The following SF3B3 variants were observed in gnomAD, a reference collection of about 807,000 sequenced individuals.
SF3B3 encodes splicing factor 3b subunit 3.
Under a neutral mutation model 139.2 loss-of-function variants are expected in SF3B3, and 33 were observed. The observed-to-expected ratio is 0.24, with a 90% CI of 0.18 to 0.32. The LOEUF (loss-of-function observed/expected upper bound fraction) is 0.32. Ranked by LOEUF, SF3B3 falls within the 10% of genes least tolerant of loss-of-function variation. SF3B3 has a pLI of 1.00. For missense variants in SF3B3, 818 were observed against 1,509.4 expected (o/e 0.54, Z 7.59); for synonymous variants, 596 against 563.6 (o/e 1.06, Z -0.81).
intron 2 of SF3B3, 50 bp downstream of exon 2, chr16:70,526,776 A>G (rs887520818): frequency 1.6e-6 from 2 of 1,250,274 alleles, no homozygotes; most frequent in South Asian, 1.2e-5. Flanking sequence ...ATTAATACAT[A>G]TCTTGCTTAG....
intron 8 of SF3B3, among the ~76,000 whole-genome samples, chr16:70,540,730 T>C (rs1443011367): frequency 6.6e-6 from 1 of 151,902 alleles, no homozygotes; most frequent in Non-Finnish European, 1.5e-5. Flanking sequence ...AAAATTCATG[T>C]TTAAAAAAAA....
intron 16 of SF3B3, chr16:70,561,423 T>C: frequency 1.8e-6 from 1 of 562,074 alleles, no homozygotes; most frequent in South Asian, 2.3e-5. Flanking sequence ...GTCTAGATCA[T>C]ATGGCTCGTA....
rs1567426868 is a variant in SF3B3, at chr16:70,570,099, A to G, written c.3358A>G (p.Thr1120Ala). 6.2e-7 allele frequency: 1 copy of G among 1,614,076 alleles called. No homozygotes were observed. The highest frequency in any genetic ancestry group is 1.7e-5 in the Admixed American group (1 of 60,000). The change falls in exon 24 of 26, where the codon ACC becomes GCC. Residue 1120 changes from threonine to alanine, a missense_variant. Around this residue, in one of 14 missense-constraint regions of SF3B3, gnomAD observed 91 missense variants for 171.8 expected, o/e 0.53. Transcript: ENST00000302516. ...TGGAGGCTCAGAATCACTTGTCTAT[A>G]CCACCTTGTCTGGAGGAATTGGCAT... The part of the protein sequence containing the change: ...IPGGSESLVY[T>A]TLSGGIGILV...
chr16:70,568,964 C>A (rs2050502938), intron 22 of SF3B3, 79 bp from the exon 23 acceptor site: 1 of 1,014,498 alleles, frequency 9.9e-7, no homozygotes. Context: ...CTTGCAAAGA[C>A]CTGGCCAGAC....
intron 1 of SF3B3, chr16:70,524,819 T>G (rs1275032940): frequency 2.0e-5 from 3 of 152,608 alleles, no homozygotes; most frequent in Non-Finnish European, 4.4e-5. Context: ...TAGCTGGAAC[T>G]ACAGGCGCCC....
At chr16:70,556,063 C>A in intron 13 of SF3B3, 116 bp from the exon 14 acceptor site, 1 of 996,252 alleles carries the variant, frequency 1.0e-6, no homozygotes, top group South Asian at 1.6e-5. Flanking sequence ...TGAGAGGAAG[C>A]AGAACAAAAT....
chr16:70,571,851 G>A lies in SF3B3; in HGVS notation c.*38G>A. 9 of 1,579,492 alleles carry A rather than the reference G, an allele frequency of 5.7e-6. No individual in the cohort carries two copies. Among genetic ancestry groups the A allele is most frequent in the Non-Finnish European group, 7.7e-6 (9 of 1,164,460 alleles). On this transcript the variant is annotated 3_prime_UTR_variant, in exon 26 of 26. Transcript: ENST00000302516. ...CGGTGGGGCTTGCCAGAGACTGTGT[G>A]TTTTGTTTCCCCCACCACCATCACT...
At chr16:70,553,831 T>C (rs918219645) in intron 11 of SF3B3, among the ~76,000 whole-genome samples, 16 of 152,332 alleles carry the variant, frequency 1.1e-4, no homozygotes, top group Admixed American at 6.5e-4. Context: ...TGTTTCTAAA[T>C]AGTGAAAAAC....
At chr16:70,556,827 A>G (rs2050383203) in intron 14 of SF3B3, 59 bp from the exon 15 acceptor site, 2 of 1,578,754 alleles carry the variant, frequency 1.3e-6, no homozygotes, top group East Asian at 2.2e-5. Context: ...TTCTCTGGGT[A>G]TGTTTTTTTC....
chr16:70,563,367 T>C (rs986633291), intron 17 of SF3B3, among the ~76,000 whole-genome samples: 2 of 152,238 alleles, frequency 1.3e-5, no homozygotes, highest in African/African-American at 4.8e-5. Context: ...CTGCTCATTT[T>C]GCACATAGTT....
intron 11 of SF3B3, 119 bp from the exon 12 acceptor site, chr16:70,554,327 A>G: frequency 1.1e-6 from 1 of 902,484 alleles, no homozygotes; most frequent in Non-Finnish European, 1.7e-6. Flanking sequence ...GTATGTGTGT[A>G]ATAACTACAC....
intron 17 of SF3B3, 128 bp from the exon 18 acceptor site, chr16:70,563,748 T>G: frequency 1.2e-6 from 1 of 814,326 alleles, no homozygotes; most frequent in Non-Finnish European, 2.0e-6. Context: ...GGCTGTTGTT[T>G]AATGTTGCCT....
At chr16:70,525,463 G>C (rs2050052065) in intron 1 of SF3B3, among the ~76,000 whole-genome samples, 1 of 152,160 alleles carries the variant, frequency 6.6e-6, no homozygotes, top group African/African-American at 2.4e-5. Context: ...GTTTGTAATG[G>C]ATTGTATCAG....
chr16:70,532,586 A>C lies in SF3B3; in HGVS notation c.678A>C (p.Glu226Asp), dbSNP rs2050132155. The C allele has an allele frequency of 6.2e-7, 1 of 1,614,184 alleles. No individual in the cohort carries two copies. The highest frequency in any genetic ancestry group is 8.5e-7 in the Non-Finnish European group (1 of 1,180,016). ...GLNHVVRKYS[E>D]PLEEHGNFLI... is the part of the protein sequence containing the mutation. ...ATCATGTGGTCCGAAAATACAGTGA[A>C]CCTTTGGAGGAACACGGCAACTTCC... The change falls in exon 5 of 26, where the codon GAA becomes GAC. Residue 226 changes from glutamate (E) to aspartate (D), a missense_variant. This residue lies in a region of SF3B3 where 80 missense variants were observed against 206.5 expected (regional missense o/e 0.39). Transcript: ENST00000302516.
At position 70,523,876 on chromosome 16, in the gene SF3B3, T is replaced by A; in HGVS notation, c.-123T>A. ...TGTTGGAGTTGGTGGTGGCTTAAGT[T>A]TTGAAGGGAGGTAGCATCCGTTGGA... On this transcript the variant is annotated 5_prime_UTR_variant, in exon 1 of 26. Transcript: ENST00000302516. The A allele has an allele frequency of 2.0e-6, 1 of 488,894 alleles. No individual in the cohort carries two copies. The highest frequency in any genetic ancestry group is 3.6e-6 in the Non-Finnish European group (1 of 278,478). 30.3% of individuals were successfully genotyped at this position (488,894 alleles called of 1,614,324 possible).
intron 14 of SF3B3, 53 bp downstream of exon 14, chr16:70,556,387 G>GCTCCTGATGTCTATCTCTGAGATCCA (rs2050380054): frequency 1.3e-6 from 2 of 1,598,384 alleles, no homozygotes; most frequent in East Asian, 2.2e-5. Context: ...TGAGCATCTG[G>GCTCCTGATGTCTATCTCTGAGATCCA]CTCCTGATGT....
intron 11 of SF3B3, among the ~76,000 whole-genome samples, chr16:70,553,043 A>G (rs992358359): frequency 2.0e-5 from 3 of 152,110 alleles, no homozygotes; most frequent in African/African-American, 7.2e-5. Flanking sequence ...AGTAGTTGGA[A>G]TTACAGGCGC....
intron 1 of SF3B3, chr16:70,525,007 A>G (rs1168906662): frequency 6.7e-6 from 1 of 149,134 alleles, no homozygotes; most frequent in East Asian, 2.0e-4. Context: ...AAAGCTTACC[A>G]AATTTATCTG....
chr16:70,526,798 G>A (rs1176940099), intron 2 of SF3B3, 72 bp downstream of exon 2: 14 of 1,066,946 alleles, frequency 1.3e-5, no homozygotes, highest in Non-Finnish European at 2.9e-6. Flanking sequence ...CTCTTGTGCA[G>A]GAAATGTTTT....
Sources: gnomAD v4.1 joint callset for allele counts (sites outside exome capture counted in the v4.1 genomes callset) on GRCh38, gnomAD v4.1.1 for gene constraint, gnomAD v4.1.1 regional missense constraint, MANE v1.5 for transcripts, NCBI Gene and HGNC (gene_info 2026-07-23, HGNC 2026-07-21) for gene names.